FYN: variants seen among roughly 807,000 people sequenced by gnomAD.
FYN encodes the protein FYN proto-oncogene, Src family tyrosine kinase.
A neutral mutation model predicts 70.2 loss-of-function variants in FYN; 10 were observed. That is an observed-to-expected ratio of 0.14 (90% confidence interval 0.09 to 0.24). The LOEUF is 0.24. Among genes scored for constraint, FYN ranks in the 10% least tolerant of loss-of-function variants. The pLI is 1.00. For missense variants in FYN, 319 were observed against 673.1 expected (o/e 0.47, Z 5.82); for synonymous variants, 236 against 248.6 (o/e 0.95, Z 0.48).
At chr6:111,739,198 C>A (rs1010069233) in intron 3 of FYN, among the ~76,000 whole-genome samples, 1 of 152,244 alleles carries the variant, frequency 6.6e-6, no homozygotes, top group East Asian at 1.9e-4. Context: ...GCACCTGAAA[C>A]CTGTCCTGCC....
chr6:111,662,530 GT>G (rs748410632), intron 13 of FYN, among the ~76,000 whole-genome samples: 2 of 152,110 alleles, frequency 1.3e-5, no homozygotes, highest in African/African-American at 2.4e-5. Flanking sequence ...GACTGTTTAT[GT>G]TTGTCAAAAC....
chr6:111,710,664 A>C lies in FYN; in HGVS notation c.345-2644T>G, dbSNP rs1000947781. ...AGTAAACCTCACATGTTGAGCCTAG[A>C]GAGGCTGGTACAGACTCAAAATATT... is the stretch of plus-strand genomic sequence containing the variant. On this transcript the variant is annotated intron_variant, in intron 5 of 13. Transcript: ENST00000354650. Among the ~76,000 whole-genome samples, 5 of 152,336 alleles carry C rather than the reference A, an allele frequency of 3.3e-5. No homozygotes were observed. The South Asian group carries it at 1.0e-3, about 32-fold the overall frequency.
At chr6:111,709,132 G>C (rs706874) in intron 5 of FYN, 14,240 of 152,000 alleles carry the variant, frequency 0.094, 2,067 homozygotes, top group African/African-American at 0.31. Flanking sequence ...TGGGGCTCAG[G>C]ACCTTCTTTT....
chr6:111,835,189 T>C (rs1196040586), intron 2 of FYN, among the ~76,000 whole-genome samples: 1 of 152,242 alleles, frequency 6.6e-6, no homozygotes, highest in Non-Finnish European at 1.5e-5. Flanking sequence ...TTCTCAACTA[T>C]TTAGTAGATT....
intron 12 of FYN, among the ~76,000 whole-genome samples, chr6:111,684,105 T>A (rs1050622887): frequency 1.3e-5 from 2 of 152,170 alleles, no homozygotes; most frequent in Non-Finnish European, 2.9e-5. Context: ...TTATATTCCA[T>A]CTGAAATTTC....
chr6:111,748,331 G>A (rs912769375), intron 3 of FYN, among the ~76,000 whole-genome samples: 4 of 152,174 alleles, frequency 2.6e-5, no homozygotes, highest in African/African-American at 7.2e-5. Context: ...TGACATTAAG[G>A]AAATGCAGAA....
chr6:111,864,262 A>G (rs1774043438), intron 1 of FYN, among the ~76,000 whole-genome samples: 1 of 152,128 alleles, frequency 6.6e-6, no homozygotes, highest in Non-Finnish European at 1.5e-5. Flanking sequence ...AGATGGCGCA[A>G]ATTTAGTGTG....
chr6:111,688,033 A>C (rs1311124019), intron 12 of FYN, among the ~76,000 whole-genome samples: 2 of 152,146 alleles, frequency 1.3e-5, no homozygotes, highest in South Asian at 2.1e-4. Flanking sequence ...AAAAAAACCC[A>C]AAAAACAAAA....
At chr6:111,779,856 T>C (rs999193538) in intron 3 of FYN, among the ~76,000 whole-genome samples, 3 of 152,214 alleles carry the variant, frequency 2.0e-5, no homozygotes, top group South Asian at 4.1e-4. Context: ...ATTGAACACT[T>C]ACTATGCTCC....
chr6:111,866,113 T>C (rs1774096908), intron 1 of FYN, among the ~76,000 whole-genome samples: 1 of 152,196 alleles, frequency 6.6e-6, no homozygotes, highest in South Asian at 2.1e-4. Context: ...CACATACATA[T>C]GGATTAACAA....
chr6:111,816,776 C>G (rs1447568210), intron 2 of FYN, among the ~76,000 whole-genome samples: 3 of 152,158 alleles, frequency 2.0e-5, no homozygotes, highest in Non-Finnish European at 4.4e-5. Flanking sequence ...ACTCCTTGAC[C>G]AGACAATTCT....
At chr6:111,699,161 G>A (rs570759417) in intron 9 of FYN, among the ~76,000 whole-genome samples, 8 of 152,308 alleles carry the variant, frequency 5.3e-5, no homozygotes, top group Admixed American at 2.0e-4. Flanking sequence ...CCCCTTGTTC[G>A]TGGTTAATTA....
intron 2 of FYN, among the ~76,000 whole-genome samples, chr6:111,803,713 C>T (rs746640770): frequency 3.9e-5 from 6 of 152,090 alleles, no homozygotes; most frequent in Non-Finnish European, 7.4e-5. Context: ...TTGCTTATGG[C>T]TTTGACTGGC....
chr6:111,794,781 G>GT (rs1486838349), intron 2 of FYN, among the ~76,000 whole-genome samples: 3 of 152,176 alleles, frequency 2.0e-5, no homozygotes, highest in African/African-American at 7.2e-5. Context: ...GATAGAGACT[G>GT]TATGGCCCGC....
At chr6:111,672,834 T>A (rs549603494) in intron 13 of FYN, among the ~76,000 whole-genome samples, 2 of 152,298 alleles carry the variant, frequency 1.3e-5, no homozygotes, top group African/African-American at 4.8e-5. Context: ...CTGGTCTAAG[T>A]GGTAAAATGA....
At chr6:111,701,780 T>A (rs1190765484) in intron 8 of FYN, among the ~76,000 whole-genome samples, 1 of 152,236 alleles carries the variant, frequency 6.6e-6, no homozygotes, top group Non-Finnish European at 1.5e-5. Context: ...CAGGGAGATA[T>A]TTTGTTCCAT....
rs2128408640 is a variant in FYN at position 111,672,914 on chromosome 6, C to G, written c.1405+1585G>C. Reference sequence around the variant, plus strand: ...TCAGAAACACGCACCTGCCTTCCTTCTCCAAGGCCCCCACCTCCACCCCTT... The same window carrying G: ...TCAGAAACACGCACCTGCCTTCCTTGTCCAAGGCCCCCACCTCCACCCCTT... On this transcript the variant is annotated intron_variant, in intron 13 of 13. Coordinates refer to ENST00000354650, the MANE Select transcript of FYN (RefSeq NM_002037.5). Among the ~76,000 whole-genome samples the G allele has an allele frequency of 2.0e-5, 3 of 152,320 alleles. No individual in the cohort carries two copies. In the South Asian group the frequency reaches 6.2e-4, roughly 32 times the overall value.
At chr6:111,835,193 G>A (rs1562538685) in intron 2 of FYN, among the ~76,000 whole-genome samples, 1 of 152,134 alleles carries the variant, frequency 6.6e-6, no homozygotes, top group Non-Finnish European at 1.5e-5. Flanking sequence ...CAACTATTTA[G>A]TAGATTACCT....
chr6:111,834,767 C>T (rs1326234297), intron 2 of FYN, among the ~76,000 whole-genome samples: 1 of 152,188 alleles, frequency 6.6e-6, no homozygotes, highest in African/African-American at 2.4e-5. Flanking sequence ...AGGGTTGCCT[C>T]CTGTTCACAA....
Sources: gnomAD v4.1 joint callset for allele counts (sites outside exome capture counted in the v4.1 genomes callset) on GRCh38, gnomAD v4.1.1 for gene constraint, MANE v1.5 for transcripts, NCBI Gene and HGNC (gene_info 2026-07-23, HGNC 2026-07-21) for gene names.